The following CFAP61 variants were observed in gnomAD, a reference collection of about 807,000 sequenced individuals.
CFAP61 encodes the protein cilia- and flagella-associated protein 61.
CFAP61 carries 107 observed loss-of-function variants against 135.6 expected under a neutral mutation model. That is an observed-to-expected ratio of 0.79 (90% confidence interval 0.67 to 0.93). The LOEUF is 0.93. Among genes scored for constraint, CFAP61 ranks in the 40% least tolerant of loss-of-function variants. The probability of loss-of-function intolerance (pLI) is 0.00; values close to 1 mark genes in which losing one functional copy is unlikely to be tolerated. For missense variants in CFAP61, 1,507 were observed against 1,556.2 expected, an observed-to-expected ratio of 0.97 and a Z score of 0.53; for synonymous variants, 575 against 578.5, an observed-to-expected ratio of 0.99 and a Z score of 0.09.
intron 17 of CFAP61, 122 bp downstream of exon 17, chr20:20,200,024 A>C (rs2056529297): frequency 3.9e-5 from 46 of 1,166,552 alleles, no homozygotes; most frequent in Non-Finnish European, 4.5e-5. Context: ...CCTGGTGCTC[A>C]TACCCTTACA....
At chr20:20,111,586 C>G (rs1273507462) in intron 8 of CFAP61, among the ~76,000 whole-genome samples, 3 of 152,172 alleles carry the variant, frequency 2.0e-5, no homozygotes, top group Non-Finnish European at 4.4e-5. Context: ...CCAGTTATGT[C>G]TTGTTACAAG....
intron 9 of CFAP61, among the ~76,000 whole-genome samples, chr20:20,155,943 CATT>C (rs1166326950): frequency 6.6e-6 from 1 of 152,148 alleles, no homozygotes; most frequent in Non-Finnish European, 1.5e-5. Context: ...GAAAAGAAGT[CATT>C]ATATGAAAAA....
At chr20:20,091,747 G>A (rs149913820) in intron 7 of CFAP61, among the ~76,000 whole-genome samples, 1,703 of 152,052 alleles carry the variant, frequency 0.011, 25 homozygotes, top group Middle Eastern at 0.065. Flanking sequence ...TCATGATCTC[G>A]GCTCACTGCA....
At chr20:20,206,257 T>C (rs760490280) in intron 17 of CFAP61, among the ~76,000 whole-genome samples, 1 of 152,182 alleles carries the variant, frequency 6.6e-6, no homozygotes, top group Non-Finnish European at 1.5e-5. Context: ...CAGCTTCACA[T>C]TGAGATATAA....
At chr20:20,129,617 G>GT (rs200616337) in intron 8 of CFAP61, among the ~76,000 whole-genome samples, 14,423 of 139,276 alleles carry the variant, frequency 0.1, 1,433 homozygotes, top group East Asian at 0.58. Flanking sequence ...ATTTTGGAAA[G>GT]TTTTTTTTTT....
At chr20:20,311,714 T>C (rs1466599111) in intron 25 of CFAP61, among the ~76,000 whole-genome samples, 1 of 152,092 alleles carries the variant, frequency 6.6e-6, no homozygotes, top group Non-Finnish European at 1.5e-5. Context: ...AGCTTGGAGA[T>C]GTGCAGAAGC....
At chr20:20,070,477 G>A (rs1333040087) in intron 2 of CFAP61, among the ~76,000 whole-genome samples, 1 of 152,160 alleles carries the variant, frequency 6.6e-6, no homozygotes, top group African/African-American at 2.4e-5. Flanking sequence ...CCTGGGCAAA[G>A]AGAGACACTT....
chr20:20,285,454 C>T (rs866877881), intron 22 of CFAP61, among the ~76,000 whole-genome samples: 2 of 152,088 alleles, frequency 1.3e-5, no homozygotes, highest in South Asian at 2.1e-4. Flanking sequence ...TTATATTGTT[C>T]CCTGGGGCTC....
At chr20:20,268,786 C>T (rs2147024479) in intron 21 of CFAP61, among the ~76,000 whole-genome samples, 1 of 152,096 alleles carries the variant, frequency 6.6e-6, no homozygotes, top group Non-Finnish European at 1.5e-5. Flanking sequence ...AATTCATCTG[C>T]TATTACCTCT....
chr20:20,170,386 TAA>T (rs2054137917), intron 13 of CFAP61, among the ~76,000 whole-genome samples: 1 of 125,312 alleles, frequency 8.0e-6, no homozygotes, highest in African/African-American at 3.1e-5. Context: ...ATTTAATATA[TAA>T]AGAGCTTTAA....
At chr20:20,136,268 A>T (rs187234973) in intron 8 of CFAP61, among the ~76,000 whole-genome samples, 32 of 151,938 alleles carry the variant, frequency 2.1e-4, no homozygotes, top group African/African-American at 7.5e-4. Flanking sequence ...TTGAATATTG[A>T]TATCTTTCTC....
At chr20:20,280,149 G>A (rs1017498733) in intron 22 of CFAP61, among the ~76,000 whole-genome samples, 1 of 152,144 alleles carries the variant, frequency 6.6e-6, no homozygotes, top group Non-Finnish European at 1.5e-5. Flanking sequence ...CTGGATCAAG[G>A]TTGGCCCTAA....
intron 21 of CFAP61, among the ~76,000 whole-genome samples, chr20:20,272,016 T>G (rs1360828995): frequency 6.6e-6 from 1 of 152,202 alleles, no homozygotes; most frequent in African/African-American, 2.4e-5. Flanking sequence ...GTTCCATGAG[T>G]TATAAAGTAC....
intron 8 of CFAP61, among the ~76,000 whole-genome samples, chr20:20,118,346 T>C (rs1200573301): frequency 7.1e-6 from 1 of 140,192 alleles, no homozygotes; most frequent in East Asian, 3.2e-4. Flanking sequence ...TTCTTCTTCT[T>C]TTTTTTTTTT....
At chr20:20,054,031 T>TTTTTTTTTTTTTG (rs2044052317) in intron 1 of CFAP61, among the ~76,000 whole-genome samples, 1 of 150,352 alleles carries the variant, frequency 6.7e-6, no homozygotes, top group Non-Finnish European at 1.5e-5. Context: ...TTTTTTTTTT[T>TTTTTTTTTTTTTG]TTTAGGAAAA....
intron 3 of CFAP61, among the ~76,000 whole-genome samples, chr20:20,071,658 G>A (rs2045713532): frequency 1.3e-5 from 2 of 152,174 alleles, no homozygotes; most frequent in African/African-American, 4.8e-5. Flanking sequence ...GTGGAATTCT[G>A]CAGCATGTCC....
At chr20:20,244,414 C>T (rs1166110827) in intron 18 of CFAP61, among the ~76,000 whole-genome samples, 1 of 152,218 alleles carries the variant, frequency 6.6e-6, no homozygotes, top group Non-Finnish European at 1.5e-5. Flanking sequence ...CTTCTGTGTA[C>T]TCACAGGTTC....
intron 9 of CFAP61, among the ~76,000 whole-genome samples, chr20:20,143,627 T>C (rs1433673012): frequency 6.6e-6 from 1 of 152,154 alleles, no homozygotes; most frequent in South Asian, 2.1e-4. Context: ...GCCTGGGAGA[T>C]GGGAAACAAG....
At chr20:20,111,317 G>T (rs1203631710) in intron 8 of CFAP61, among the ~76,000 whole-genome samples, 2 of 152,150 alleles carry the variant, frequency 1.3e-5, no homozygotes, top group Non-Finnish European at 2.9e-5. Context: ...GTCAGGCCAA[G>T]AACTTGCTAC....
Sources: gnomAD v4.1 joint callset for allele counts (sites outside exome capture counted in the v4.1 genomes callset) on GRCh38, gnomAD v4.1.1 for gene constraint, MANE v1.5 for transcripts, NCBI Gene and HGNC (gene_info 2026-07-23, HGNC 2026-07-21) for gene names.